LHFPL3: variants seen among roughly 807,000 people sequenced by gnomAD.
The protein encoded by LHFPL3 is LHFPL tetraspan subfamily member 3 protein.
LHFPL3 carries 5 observed loss-of-function variants against 19.3 expected under a neutral mutation model. The observed-to-expected ratio is 0.26, with a 90% confidence interval of 0.14 to 0.54. The LOEUF is 0.54. LHFPL3 is among the 20% of genes least tolerant of loss of function. LHFPL3 has a pLI of 0.94. For missense variants in LHFPL3, 249 were observed against 307.4 expected (o/e 0.81, Z 1.42); for synonymous variants, 133 against 126.2 (o/e 1.05, Z -0.36).
intron 1 of LHFPL3, among the ~76,000 whole-genome samples, chr7:104,734,735 A>T (rs1793772101): frequency 6.6e-6 from 1 of 152,196 alleles, no homozygotes. Context: ...GTCATTCTCC[A>T]TCCAGCTTTG....
intron 1 of LHFPL3, among the ~76,000 whole-genome samples, chr7:104,538,584 C>A (rs889990615): frequency 6.6e-6 from 1 of 152,180 alleles, no homozygotes; most frequent in East Asian, 1.9e-4. Context: ...TTCTTTATCA[C>A]AACAGTGTTA....
At chr7:104,557,319 G>T (rs557948572) in intron 1 of LHFPL3, among the ~76,000 whole-genome samples, 28 of 152,160 alleles carry the variant, frequency 1.8e-4, no homozygotes, top group Non-Finnish European at 3.5e-4. Flanking sequence ...CCACATAGCT[G>T]GGGAGGCCTC....
chr7:104,773,205 G>A (rs2116403396), intron 2 of LHFPL3, among the ~76,000 whole-genome samples: 1 of 152,314 alleles, frequency 6.6e-6, no homozygotes, highest in Admixed American at 6.5e-5. Flanking sequence ...GGGCAGTGAG[G>A]GGCCACTGGC....
Position 104,895,446 on chromosome 7 carries a change from T to C in LHFPL3, c.683-10741T>C, listed in dbSNP as rs185205555. The C allele has an allele frequency of 2.1e-4, 32 of 152,340 alleles. 1 individual carries two copies. The highest frequency in any genetic ancestry group is 4.6e-4 in the Admixed American group (7 of 15,294). 9.4% of individuals were successfully genotyped at this position (152,340 alleles called of 1,614,324 possible). A position where few individuals can be genotyped will look rare whatever the true frequency, so the allele number is the denominator to read the frequency against. ...ATGCTTTATGTCAGTGTGAGAGAAATGGCAAGTTGGGAAAATTTGTGACAT... is the reference window on the plus strand; with the variant it reads ...ATGCTTTATGTCAGTGTGAGAGAAACGGCAAGTTGGGAAAATTTGTGACAT... On this transcript the variant is annotated intron_variant, in intron 2 of 2. Transcript: ENST00000424859.
rs138972233 is a variant in LHFPL3 at position 104,388,887 on chromosome 7, T to C, written c.445+59663T>C. Among the ~76,000 whole-genome samples, 45 of 152,186 alleles carry C rather than the reference T, an allele frequency of 3.0e-4. No individual in the cohort carries two copies. In the East Asian group the frequency reaches 8.5e-3, roughly 29 times the overall value. ...ATAGAAGGGAATTTCCTCAAACTGA[T>C]AAAAGACATCTATGAAAAGTCCACA... On this transcript the variant is annotated intron_variant, in intron 1 of 2. Coordinates refer to ENST00000424859, the MANE Select transcript of LHFPL3 (RefSeq NM_199000.3).
intron 1 of LHFPL3, among the ~76,000 whole-genome samples, chr7:104,451,530 A>G (rs1792439423): frequency 6.6e-6 from 1 of 152,240 alleles, no homozygotes; most frequent in African/African-American, 2.4e-5. Context: ...CGATCAAACG[A>G]TACAGAACAA....
chr7:104,452,832 G>A lies in LHFPL3; in HGVS notation c.445+123608G>A, dbSNP rs187543287. Among the ~76,000 whole-genome samples, 15 of 152,244 alleles carry A rather than the reference G, an allele frequency of 9.9e-5. No homozygotes were observed. In the East Asian group the frequency reaches 2.5e-3, roughly 25 times the overall value. ...GGATGCTTACTGCATGCTATGAAAAGTGTAAACAACTTAAAAGTCCATCAA... is the reference window on the plus strand; with the variant it reads ...GGATGCTTACTGCATGCTATGAAAAATGTAAACAACTTAAAAGTCCATCAA... On this transcript the variant is annotated intron_variant, in intron 1 of 2. Transcript: ENST00000424859.
chr7:104,813,903 TTTCC>T (rs1790519765), intron 2 of LHFPL3, among the ~76,000 whole-genome samples: 1 of 152,228 alleles, frequency 6.6e-6, no homozygotes, highest in South Asian at 2.1e-4. Context: ...ACAGCTCTTC[TTTCC>T]TTCTCTTCAC....
chr7:104,595,561 A>G (rs987348065), intron 1 of LHFPL3, among the ~76,000 whole-genome samples: 11 of 152,218 alleles, frequency 7.2e-5, no homozygotes, highest in African/African-American at 2.2e-4. Context: ...TCAGAGCTCA[A>G]ACACAGTGCT....
At chr7:104,449,956 G>C (rs73712133) in intron 1 of LHFPL3, among the ~76,000 whole-genome samples, 1,738 of 152,286 alleles carry the variant, frequency 0.011, 27 homozygotes, top group African/African-American at 0.039. Flanking sequence ...TCACACTTCA[G>C]TGGCTTTCCC....
chr7:104,666,705 T>C (rs1216385650), intron 1 of LHFPL3, among the ~76,000 whole-genome samples: 1 of 150,204 alleles, frequency 6.7e-6, no homozygotes, highest in Non-Finnish European at 1.5e-5. Flanking sequence ...GTATTTTTAG[T>C]ACAGACGGGG....
intron 1 of LHFPL3, among the ~76,000 whole-genome samples, chr7:104,508,311 G>C (rs1238787335): frequency 6.6e-6 from 1 of 151,758 alleles, no homozygotes; most frequent in Non-Finnish European, 1.5e-5. Flanking sequence ...CCTTTGCAGG[G>C]ACATGGATGA....
chr7:104,442,774 C>A (rs1792252003), intron 1 of LHFPL3, among the ~76,000 whole-genome samples: 3 of 152,182 alleles, frequency 2.0e-5, no homozygotes, highest in Non-Finnish European at 4.4e-5. Flanking sequence ...TGGCAAACTG[C>A]TGAGTTTTGG....
chr7:104,494,006 CATG>C (rs1218500500), intron 1 of LHFPL3, among the ~76,000 whole-genome samples: 6 of 152,208 alleles, frequency 3.9e-5, no homozygotes, highest in Non-Finnish European at 5.9e-5. Flanking sequence ...TACATGCTGA[CATG>C]ATAATATATT....
chr7:104,706,136 C>T (rs899477814), intron 1 of LHFPL3, among the ~76,000 whole-genome samples: 5 of 152,082 alleles, frequency 3.3e-5, no homozygotes, highest in African/African-American at 1.2e-4. Flanking sequence ...TTTTTGGTGG[C>T]ATATCAATTG....
chr7:104,384,389 C>A (rs953448020), intron 1 of LHFPL3, among the ~76,000 whole-genome samples: 1 of 152,020 alleles, frequency 6.6e-6, no homozygotes, highest in African/African-American at 2.4e-5. Context: ...GTGATAGAGG[C>A]AAGAAATGGC....
intron 2 of LHFPL3, among the ~76,000 whole-genome samples, chr7:104,850,940 C>A (rs1791405084): frequency 6.6e-6 from 1 of 152,202 alleles, no homozygotes; most frequent in Non-Finnish European, 1.5e-5. Context: ...CATAAATCTG[C>A]TTTTTGACCA....
At chr7:104,832,960 GTA>G (rs71748649) in intron 2 of LHFPL3, among the ~76,000 whole-genome samples, 17 of 62,850 alleles carry the variant, frequency 2.7e-4, no homozygotes, top group East Asian at 5.0e-4. Context: ...CTAATAGGAT[GTA>G]TATATATATA....
chr7:104,584,405 A>C (rs1198674747), intron 1 of LHFPL3, among the ~76,000 whole-genome samples: 1 of 152,154 alleles, frequency 6.6e-6, no homozygotes, highest in Non-Finnish European at 1.5e-5. Flanking sequence ...ACATGTATAC[A>C]TATGTAACAA....
Sources: allele counts gnomAD v4.1 joint callset (sites outside exome capture counted in the v4.1 genomes callset), GRCh38; gene constraint gnomAD v4.1.1; transcripts MANE v1.5; gene names NCBI Gene and HGNC (gene_info 2026-07-23, HGNC 2026-07-21).